SSR1: variants seen among roughly 807,000 people sequenced by gnomAD.
SSR1 encodes translocon-associated protein subunit alpha.
Under a neutral mutation model 36.1 loss-of-function variants are expected in SSR1, and 13 were observed. That is an observed-to-expected ratio of 0.36 (90% confidence interval 0.23 to 0.57). The LOEUF is 0.57. Ranked by LOEUF, SSR1 falls within the 20% of genes least tolerant of loss-of-function variation. SSR1 has a pLI of 0.81. For missense variants in SSR1, 291 were observed against 338.5 expected (o/e 0.86, Z 1.10); for synonymous variants, 113 against 118.9 (o/e 0.95, Z 0.32).
At chr6:7,307,322 T>G (rs3799520) in intron 2 of SSR1, among the ~76,000 whole-genome samples, 20,141 of 152,210 alleles carry the variant, frequency 0.13, 1,812 homozygotes, top group African/African-American at 0.26. Context: ...TCTATTTCAA[T>G]CTACCTTAAT....
Position 7,295,599 on chromosome 6 carries a change from G to A in SSR1, c.700-114C>T, listed in dbSNP as rs1757778092. The A allele has an allele frequency of 4.4e-6, 3 of 681,726 alleles. No individual in the cohort carries two copies. The South Asian group carries it at 6.8e-5, about 15-fold the overall frequency. The allele number at this position is 681,726 out of a possible 1,614,324, so 42.2% of individuals were successfully genotyped here. A position where few individuals can be genotyped will look rare whatever the true frequency, so the allele number is the denominator to read the frequency against. On this transcript the variant is annotated intron_variant, in intron 6 of 7. Coordinates refer to ENST00000244763, the MANE Select transcript of SSR1 (RefSeq NM_003144.5). ...TGCCCAGGCTGCCTGGAACTCCTGG[G>A]CTCAAGCAATCCTCCTGCCTGAGCC...
chr6:7,309,266 T>C (rs1758135511), intron 2 of SSR1, among the ~76,000 whole-genome samples: 2 of 152,168 alleles, frequency 1.3e-5, no homozygotes, highest in Non-Finnish European at 2.9e-5. Context: ...TAGACTAGCC[T>C]GGGCAACATA....
intron 7 of SSR1, among the ~76,000 whole-genome samples, chr6:7,290,379 A>T (rs2113271599): frequency 6.6e-6 from 1 of 150,454 alleles, no homozygotes; most frequent in African/African-American, 2.5e-5. Flanking sequence ...CAATGCTAAA[A>T]CAATTCTATG....
At chr6:7,292,588 G>A (rs1365949643) in intron 7 of SSR1, among the ~76,000 whole-genome samples, 5 of 151,888 alleles carry the variant, frequency 3.3e-5, no homozygotes, top group Non-Finnish European at 2.9e-5. Context: ...GACTTGCTAT[G>A]TGGCCGAGGC....
rs375067923 is a variant in SSR1 at position 7,292,969 on chromosome 6, G to A, written c.793+2423C>T. Among the ~76,000 whole-genome samples, 637 of 152,182 alleles carry A rather than the reference G, an allele frequency of 4.2e-3. 6 individuals are homozygous for A. Among genetic ancestry groups the A allele is most frequent in the African/African-American group, 0.015 (608 of 41,522 alleles). Reference sequence around the variant, plus strand: ...ACAATTTAAAAATGGAAAAGGACCTGAACAGCCAATTCACAGGAAAAGAAA... The same window carrying A: ...ACAATTTAAAAATGGAAAAGGACCTAAACAGCCAATTCACAGGAAAAGAAA... On this transcript the variant is annotated intron_variant, in intron 7 of 7. Coordinates refer to ENST00000244763, the MANE Select transcript of SSR1 (RefSeq NM_003144.5).
chr6:7,299,577 A>C (rs982174760), intron 4 of SSR1, among the ~76,000 whole-genome samples: 2 of 152,000 alleles, frequency 1.3e-5, no homozygotes, highest in African/African-American at 4.8e-5. Flanking sequence ...GCATGCCTGT[A>C]ATCACAGCTA....
Position 7,289,908 on chromosome 6 carries a change from G to A in SSR1, c.817C>T (p.Pro273Ser). The part of the protein sequence containing the change: ...QINKASPRRL[P>S]RKRAQKRSVG... The stretch of plus-strand genomic sequence containing the variant: ...GATCTCTTCTGTGCCCGTTTCCTGG[G>A]CAACCTTCTTGGTGAAGCTTTATCT... Residue 273 changes from proline to serine, a missense_variant, in exon 8 of 8, where the codon CCC (proline) becomes TCC (serine). By Grantham distance (74) the Pro-to-Ser change is moderately conservative. Coordinates refer to ENST00000244763, the MANE Select transcript of SSR1 (RefSeq NM_003144.5). 6.5e-7 allele frequency: 1 copy of A among 1,540,104 alleles called. No individual in the cohort carries two copies. The highest frequency in any genetic ancestry group is 8.7e-7 in the Non-Finnish European group (1 of 1,154,456).
At chr6:7,305,737 G>C (rs914952340) in intron 2 of SSR1, among the ~76,000 whole-genome samples, 1 of 151,754 alleles carries the variant, frequency 6.6e-6, no homozygotes, top group African/African-American at 2.4e-5. Flanking sequence ...AATATATTTG[G>C]AAGTAGAAAA....
In SSR1 at chr6:7,283,030, A is replaced by C. The variant is rs946560222; in HGVS notation, c.*6834T>G. On this transcript the variant is annotated 3_prime_UTR_variant, in exon 8 of 8. Coordinates refer to ENST00000244763, the MANE Select transcript of SSR1 (RefSeq NM_003144.5). Reference sequence around the variant, plus strand: ...CTTTTAGGAGAGCCATTTTCCAGACAGTCTTGTCTTTATTTATTTATTTTT... The same window carrying C: ...CTTTTAGGAGAGCCATTTTCCAGACCGTCTTGTCTTTATTTATTTATTTTT... 7.2e-5 allele frequency: 11 copies of C among 152,190 alleles called. No homozygotes were observed. The highest frequency in any genetic ancestry group is 2.7e-4 in the African/African-American group (11 of 41,464). 9.4% of individuals were successfully genotyped at this position (152,190 alleles called of 1,614,324 possible).
intron 7 of SSR1, 79 bp downstream of exon 7, chr6:7,295,313 T>C (rs1757768934): frequency 1.2e-5 from 15 of 1,286,878 alleles, no homozygotes; most frequent in Non-Finnish European, 1.6e-5. Context: ...TGAAAAAGTT[T>C]TTTTTTTAAA....
In SSR1 at chr6:7,313,022, G is replaced by A. The variant is rs769560957; in HGVS notation, c.79+20C>T. On this transcript the variant is annotated intron_variant, in intron 1 of 7. Transcript: ENST00000244763. Reference sequence around the variant, plus strand: ...CATCTCCTTCCTGGCCATCCCCTCCGCACACTCCCCCAGCCTCACCTCTGG... The same window carrying A: ...CATCTCCTTCCTGGCCATCCCCTCCACACACTCCCCCAGCCTCACCTCTGG... The A allele has an allele frequency of 3.8e-6, 6 of 1,585,498 alleles. No homozygotes were observed. The South Asian group carries it at 4.6e-5, about 12-fold the overall frequency.
chr6:7,298,618 G>T, intron 5 of SSR1, 129 bp downstream of exon 5: 2 of 634,438 alleles, frequency 3.2e-6, no homozygotes, highest in East Asian at 5.5e-5. Flanking sequence ...AATGAATATC[G>T]TAAGGATTTC....
At chr6:7,312,557 G>A (rs1304978516) in intron 1 of SSR1, among the ~76,000 whole-genome samples, 1 of 152,244 alleles carries the variant, frequency 6.6e-6, no homozygotes, top group South Asian at 2.1e-4. Context: ...AGAAAACAAG[G>A]GTTTTGGCAA....
At chr6:7,306,723 T>C (rs1042996719) in intron 2 of SSR1, among the ~76,000 whole-genome samples, 7 of 151,476 alleles carry the variant, frequency 4.6e-5, no homozygotes, top group Non-Finnish European at 7.4e-5. Context: ...GAGACCATCC[T>C]GGCTAACATG....
Position 7,303,611 on chromosome 6 carries a change from C to T in SSR1, c.219G>A (p.Val73=). ...TCGGTGAAGCTTCAGGTTCACCAGA[C>T]ACATCTTCTTCCTCTTTATCTTCTA... ...DLVEDKEEED[V]SGEPEASPSA... Residue 73 remains valine, a synonymous_variant, in exon 3 of 8, where the codon GTG becomes GTA. Coordinates refer to ENST00000244763, the MANE Select transcript of SSR1 (RefSeq NM_003144.5). 1 of 1,613,198 alleles carries T rather than the reference C, an allele frequency of 6.2e-7. No individual in the cohort carries two copies. The highest frequency in any genetic ancestry group is 1.1e-5 in the South Asian group (1 of 91,030).
Position 7,289,387 on chromosome 6 carries a change from A to G in SSR1, c.*477T>C, listed in dbSNP as rs1410475942. Reference sequence around the variant, plus strand: ...TTTAGAATACTAATTGTAATACAGTAACAACAACAAAATGCTGATTTGTGC... The same window carrying G: ...TTTAGAATACTAATTGTAATACAGTGACAACAACAAAATGCTGATTTGTGC... On this transcript the variant is annotated 3_prime_UTR_variant, in exon 8 of 8. Transcript: ENST00000244763. The G allele has an allele frequency of 6.4e-6, 1 of 155,580 alleles. No homozygotes were observed. The highest frequency in any genetic ancestry group is 1.4e-5 in the Non-Finnish European group (1 of 70,306). 9.6% of individuals were successfully genotyped at this position (155,580 alleles called of 1,614,324 possible). A position where few individuals can be genotyped will look rare whatever the true frequency, so the allele number is the denominator to read the frequency against.
At chr6:7,293,020 T>C (rs1162908954) in intron 7 of SSR1, among the ~76,000 whole-genome samples, 3 of 152,066 alleles carry the variant, frequency 2.0e-5, no homozygotes, top group Admixed American at 6.5e-5. Flanking sequence ...TCATCTCTAT[T>C]ATCTGCAGGA....
chr6:7,305,225 C>T (rs1404657945), intron 2 of SSR1, among the ~76,000 whole-genome samples: 1 of 152,020 alleles, frequency 6.6e-6, no homozygotes, highest in Non-Finnish European at 1.5e-5. Flanking sequence ...CATATCAAAA[C>T]AATAAAGAGT....
intron 1 of SSR1, among the ~76,000 whole-genome samples, chr6:7,312,534 G>A (rs1194429758): frequency 6.6e-6 from 1 of 152,222 alleles, no homozygotes; most frequent in Non-Finnish European, 1.5e-5. Context: ...ACACTCTGAT[G>A]GCTTAGATGT....
Sources: gnomAD v4.1 joint callset for allele counts (sites outside exome capture counted in the v4.1 genomes callset) on GRCh38, gnomAD v4.1.1 for gene constraint, MANE v1.5 for transcripts, NCBI Gene and HGNC (gene_info 2026-07-23, HGNC 2026-07-21) for gene names.